The following MGAT5 variants were observed in gnomAD, a reference collection of about 807,000 sequenced individuals.
The protein encoded by MGAT5 is alpha-1,6-mannosylglycoprotein 6-beta-N-acetylglucosaminyltransferase A.
Under a neutral mutation model 94.3 loss-of-function variants are expected in MGAT5, and 30 were observed. The observed-to-expected ratio is 0.32, with a 90% CI of 0.24 to 0.43. MGAT5 has a LOEUF of 0.43. MGAT5 is among the 20% of genes least tolerant of loss of function. The pLI is 1.00. For synonymous variants in MGAT5, 310 were observed against 322.9 expected, an observed-to-expected ratio of 0.96 and a Z score of 0.43; for missense variants, 691 against 905.5, an observed-to-expected ratio of 0.76 and a Z score of 3.04.
intron 2 of MGAT5, among the ~76,000 whole-genome samples, chr2:134,278,329 G>T (rs1341996036): frequency 6.6e-6 from 1 of 152,178 alleles, no homozygotes; most frequent in Non-Finnish European, 1.5e-5. Context: ...ATGGTCCCAA[G>T]GAGGCTCTAG....
intron 10 of MGAT5, among the ~76,000 whole-genome samples, chr2:134,366,386 G>A (rs1680431611): frequency 6.6e-6 from 1 of 152,222 alleles, no homozygotes; most frequent in South Asian, 2.1e-4. Context: ...ATCTTCAAGT[G>A]ATGGTGCAGG....
chr2:134,388,301 T>C (rs1205158425), intron 10 of MGAT5, among the ~76,000 whole-genome samples: 1 of 152,190 alleles, frequency 6.6e-6, no homozygotes, highest in Non-Finnish European at 1.5e-5. Context: ...TCACCAATGA[T>C]CAACTCACAG....
At position 134,341,595 on chromosome 2, in the gene MGAT5, C is replaced by T. The variant is rs532042529; in HGVS notation, c.813C>T (p.Leu271=). The T allele has an allele frequency of 7.4e-6, 12 of 1,612,180 alleles. No homozygotes were observed. In the African/African-American group the frequency reaches 1.1e-4, roughly 14 times the overall value. The part of the protein sequence containing the change: ...NLEKRKRKKV[L]VHLGLLTKES... ...TATGCCTCTTTGTTTTCCAGGTCCT[C>T]GTTCACCTGGGACTCCTGACCAAGG... Residue 271 remains leucine, a synonymous_variant, in exon 7 of 16, where the codon CTC becomes CTT. Transcript: ENST00000281923.
chr2:134,267,020 T>A (rs1020958080), intron 1 of MGAT5, among the ~76,000 whole-genome samples: 1 of 152,242 alleles, frequency 6.6e-6, no homozygotes, highest in Admixed American at 6.5e-5. Context: ...AGCTGGTGGA[T>A]GTTTAGTGAT....
At chr2:134,333,381 C>G (rs1414612780) in intron 4 of MGAT5, among the ~76,000 whole-genome samples, 2 of 131,446 alleles carry the variant, frequency 1.5e-5, no homozygotes, top group East Asian at 4.4e-4. Context: ...GGGAATTGAA[C>G]AATGAGAACA....
intron 12 of MGAT5, among the ~76,000 whole-genome samples, chr2:134,414,081 T>C (rs1683823229): frequency 1.3e-5 from 2 of 151,980 alleles, no homozygotes; most frequent in African/African-American, 4.8e-5. Context: ...ATAAGATCTA[T>C]GTTTATCTAT....
At chr2:134,338,503 A>G in intron 6 of MGAT5, 83 bp downstream of exon 6, 2 of 1,385,920 alleles carry the variant, frequency 1.4e-6, no homozygotes, top group Non-Finnish European at 2.0e-6. Context: ...ACTAAGAGAA[A>G]TGTCATATCT....
At chr2:134,292,486 G>T (rs1387399401) in intron 2 of MGAT5, among the ~76,000 whole-genome samples, 1 of 152,116 alleles carries the variant, frequency 6.6e-6, no homozygotes, top group East Asian at 1.9e-4. Flanking sequence ...TTCTGTTGCC[G>T]GGTCTGCTGC....
chr2:134,343,561 A>G (rs1322033095), intron 7 of MGAT5, among the ~76,000 whole-genome samples: 1 of 152,160 alleles, frequency 6.6e-6, no homozygotes, highest in East Asian at 1.9e-4. Flanking sequence ...CTTTGTATTT[A>G]TTTCTTAATT....
At chr2:134,224,419 C>T (rs2105366515) in intron 1 of MGAT5, among the ~76,000 whole-genome samples, 1 of 152,236 alleles carries the variant, frequency 6.6e-6, no homozygotes, top group African/African-American at 2.4e-5. Context: ...AATGAAACAC[C>T]TAAAATGTTA....
intron 1 of MGAT5, among the ~76,000 whole-genome samples, chr2:134,262,990 G>A (rs1477463408): frequency 3.3e-5 from 5 of 152,196 alleles, no homozygotes; most frequent in African/African-American, 9.7e-5. Context: ...TCTGTGGGCT[G>A]TAAGATAAGC....
chr2:134,141,245 A>G (rs548409525), intron 1 of MGAT5, among the ~76,000 whole-genome samples: 17 of 152,360 alleles, frequency 1.1e-4, no homozygotes, highest in African/African-American at 3.8e-4. Flanking sequence ...CTCCAGAACC[A>G]TAAGCCAAAT....
At chr2:134,364,421 A>G (rs527469510) in intron 10 of MGAT5, among the ~76,000 whole-genome samples, 125 of 152,206 alleles carry the variant, frequency 8.2e-4, no homozygotes, top group Admixed American at 1.4e-3. Context: ...AACCACTTGT[A>G]CCTGGGAGGC....
intron 2 of MGAT5, among the ~76,000 whole-genome samples, chr2:134,284,013 A>C (rs72976188): frequency 0.048 from 7,363 of 152,250 alleles, 364 homozygotes; most frequent in East Asian, 0.2. Context: ...GATTAAGCCC[A>C]CTGCTGACAG....
In MGAT5 at chr2:134,392,533, T is replaced by TCTTAG. The variant is rs371113373; in HGVS notation, c.1381-10451_1381-10447dup. On this transcript the variant is annotated intron_variant, in intron 10 of 15. Transcript: ENST00000281923. ...TCGTGCCTGGAATTTAGAAGTTTGT[T>TCTTAG]CTTAGCTTGGTGGGAGCAGGGGAAG... is the stretch of plus-strand genomic sequence containing the variant. Among the ~76,000 whole-genome samples the TCTTAG allele has an allele frequency of 4.4e-4, 67 of 152,302 alleles. 1 individual carries two copies. The highest frequency in any genetic ancestry group is 1.5e-3 in the African/African-American group (63 of 41,560).
intron 1 of MGAT5, among the ~76,000 whole-genome samples, chr2:134,261,289 T>C (rs11695371): frequency 0.21 from 32,343 of 152,032 alleles, 4,882 homozygotes; most frequent in African/African-American, 0.39. Context: ...TACCTGATGG[T>C]CATAGCTCTC....
At chr2:134,203,701 T>G (rs1049008594) in intron 1 of MGAT5, among the ~76,000 whole-genome samples, 1 of 152,062 alleles carries the variant, frequency 6.6e-6, no homozygotes, top group Non-Finnish European at 1.5e-5. Context: ...AAGACTGGGT[T>G]TAGTAGACCT....
At chr2:134,342,661 A>G (rs1688700257) in intron 7 of MGAT5, among the ~76,000 whole-genome samples, 1 of 150,672 alleles carries the variant, frequency 6.6e-6, no homozygotes, top group African/African-American at 2.4e-5. Context: ...CAGAGGCTGC[A>G]GTGAGCCGAG....
chr2:134,391,090 G>A (rs1026093736), intron 10 of MGAT5, among the ~76,000 whole-genome samples: 1 of 152,176 alleles, frequency 6.6e-6, no homozygotes, highest in Non-Finnish European at 1.5e-5. Flanking sequence ...CAAGTAAGAG[G>A]AGGGGACATA....
Sources: allele counts gnomAD v4.1 joint callset (sites outside exome capture counted in the v4.1 genomes callset), GRCh38; gene constraint gnomAD v4.1.1; transcripts MANE v1.5; gene names NCBI Gene and HGNC (gene_info 2026-07-23, HGNC 2026-07-21).